MAN2A1: variants seen among roughly 807,000 people sequenced by gnomAD.
The protein encoded by MAN2A1 is mannosidase alpha class 2A member 1, also known as alpha-mannosidase 2.
In MAN2A1, 76 loss-of-function variants were observed where a neutral mutation model predicts 142.6. That is an observed-to-expected ratio of 0.53 (90% CI 0.44 to 0.65). MAN2A1 has a LOEUF of 0.65. Among genes scored for constraint, MAN2A1 ranks in the 30% least tolerant of loss-of-function variants. The pLI is 0.00. For missense variants in MAN2A1, 1,311 were observed against 1,365.1 expected, an observed-to-expected ratio of 0.96 and a Z score of 0.62; for synonymous variants, 559 against 473.2, an observed-to-expected ratio of 1.18 and a Z score of -2.35.
intron 5 of MAN2A1, among the ~76,000 whole-genome samples, chr5:109,760,350 A>G (rs1190780441): frequency 6.6e-6 from 1 of 152,156 alleles, no homozygotes. Context: ...TCCATGGTGT[A>G]TATGTGCCAT....
At chr5:109,794,900 G>T (rs1014665364) in intron 12 of MAN2A1, among the ~76,000 whole-genome samples, 1 of 151,974 alleles carries the variant, frequency 6.6e-6, no homozygotes, top group East Asian at 1.9e-4. Context: ...TCAAGGTATA[G>T]GTTGGCTAGT....
At position 109,820,243 on chromosome 5, in the gene MAN2A1, T is replaced by G; in HGVS notation, c.2352T>G (p.Gly784=). The change falls in exon 15 of 22, where the codon GGT becomes GGG. Residue 784 remains glycine, a synonymous_variant. Coordinates refer to ENST00000261483, the MANE Select transcript of MAN2A1 (RefSeq NM_002372.4). Reference sequence around the variant, plus strand: ...AGCAAATGATGACTAAAGAAGATGGTAAACACCATGAAGTAAATGTGCAAT... The same window carrying G: ...AGCAAATGATGACTAAAGAAGATGGGAAACACCATGAAGTAAATGTGCAAT... The part of the protein sequence containing the change: ...LMKQMMTKED[G]KHHEVNVQFS... The G allele has an allele frequency of 6.2e-7, 1 of 1,609,460 alleles. No individual in the cohort carries two copies. Among genetic ancestry groups the G allele is most frequent in the Non-Finnish European group, 8.5e-7 (1 of 1,176,826 alleles).
At chr5:109,814,380 T>C (rs543634306) in intron 12 of MAN2A1, among the ~76,000 whole-genome samples, 2 of 152,266 alleles carry the variant, frequency 1.3e-5, no homozygotes, top group East Asian at 3.9e-4. Context: ...GAAAATTAAG[T>C]TATTTATGAT....
chr5:109,858,193 A>G (rs1418432333), intron 20 of MAN2A1, among the ~76,000 whole-genome samples: 1 of 152,208 alleles, frequency 6.6e-6, no homozygotes, highest in Non-Finnish European at 1.5e-5. Flanking sequence ...AATACTTGGC[A>G]GTTTTGCATT....
chr5:109,745,346 G>C (rs1243245111), intron 4 of MAN2A1, among the ~76,000 whole-genome samples: 1 of 151,996 alleles, frequency 6.6e-6, no homozygotes, highest in African/African-American at 2.4e-5. Context: ...TGTCTCTCTT[G>C]ATATGGAAAG....
At chr5:109,843,539 C>A (rs3797676) in intron 17 of MAN2A1, among the ~76,000 whole-genome samples, 21,210 of 152,132 alleles carry the variant, frequency 0.14, 2,482 homozygotes, top group East Asian at 0.64. Flanking sequence ...AATGTATGAT[C>A]TAATAATGGG....
intron 17 of MAN2A1, among the ~76,000 whole-genome samples, chr5:109,843,579 CTA>C (rs1434434041): frequency 6.6e-6 from 1 of 152,120 alleles, no homozygotes; most frequent in Non-Finnish European, 1.5e-5. Flanking sequence ...AACTCTTCCT[CTA>C]TATGTGTGTG....
rs578176683 is a variant in MAN2A1, at chr5:109,695,265, A to G, written c.135+4713A>G. 1.1e-3 allele frequency among the ~76,000 whole-genome samples: 175 copies of G among 152,278 alleles called. 2 individuals are homozygous for G. Among genetic ancestry groups the G allele is most frequent in the African/African-American group, 3.8e-3 (160 of 41,562 alleles). ...TTGGGTGTGTTGTTCCCAGATGAAC[A>G]CTGTTATCAGGGCCTAAACAAATAT... On this transcript the variant is annotated intron_variant, in intron 1 of 21. Transcript: ENST00000261483.
In MAN2A1 at chr5:109,866,887, T is replaced by A. The variant is rs1331485578; in HGVS notation, c.3324T>A (p.Ser1108Arg). Residue 1108 changes from serine to arginine, a missense_variant, in exon 22 of 22, where the codon AGT (serine) becomes AGA (arginine). Around this residue, in one of 3 missense-constraint regions of MAN2A1, gnomAD observed 890 missense variants for 920.5 expected, o/e 0.97. Transcript: ENST00000261483. ...QKLLNKFIVESLTPSSLSLMH... is the reference protein window; with the variant it reads ...QKLLNKFIVERLTPSSLSLMH... ...TTTTAAACAAGTTTATTGTCGAAAGTCTCACACCTTCATCACTATCCTTGA... is the reference window on the plus strand; with the variant it reads ...TTTTAAACAAGTTTATTGTCGAAAGACTCACACCTTCATCACTATCCTTGA... 5 of 1,611,206 alleles carry A rather than the reference T, an allele frequency of 3.1e-6. No homozygotes were observed. The highest frequency in any genetic ancestry group is 4.2e-6 in the Non-Finnish European group (5 of 1,178,276).
At chr5:109,805,097 A>G (rs192456794) in intron 12 of MAN2A1, among the ~76,000 whole-genome samples, 203 of 152,294 alleles carry the variant, frequency 1.3e-3, no homozygotes, top group African/African-American at 4.7e-3. Flanking sequence ...TTGACAAGGA[A>G]ATAGAACATC....
intron 1 of MAN2A1, among the ~76,000 whole-genome samples, chr5:109,697,430 G>A (rs779363091): frequency 6.6e-6 from 1 of 152,168 alleles, no homozygotes; most frequent in African/African-American, 2.4e-5. Context: ...GGGAAAGAAT[G>A]AAGTTCTTGA....
chr5:109,832,161 C>CTTTTTTTTTTTTTTT (rs70999945), intron 16 of MAN2A1, among the ~76,000 whole-genome samples: 12 of 51,204 alleles, frequency 2.3e-4, no homozygotes, highest in Non-Finnish European at 4.5e-4. Context: ...AAGGAGTTTT[C>CTTTTTTTTTTTTTTT]TTTTTTTTTT....
chr5:109,833,842 C>T (rs1401210750), intron 16 of MAN2A1, among the ~76,000 whole-genome samples: 1 of 152,176 alleles, frequency 6.6e-6, no homozygotes, highest in African/African-American at 2.4e-5. Flanking sequence ...AGATCTACTG[C>T]CTGACAACCT....
chr5:109,821,878 A>G (rs941576097), intron 15 of MAN2A1, among the ~76,000 whole-genome samples: 1 of 151,866 alleles, frequency 6.6e-6, no homozygotes, highest in African/African-American at 2.4e-5. Flanking sequence ...TCTCATTTAT[A>G]GTGGTTTTAA....
In MAN2A1 at chr5:109,789,045, G is replaced by T. The variant is rs1213827217; in HGVS notation, c.1872G>T (p.Glu624Asp). ...YDSYSPDTFL[E>D]MDLKQKSQDS... is the part of the protein sequence containing the mutation. ...CTTACTCTCCTGATACCTTCCTGGAGATGGTTAGTAATTTCATCTATGGTC... is the reference window on the plus strand; with the variant it reads ...CTTACTCTCCTGATACCTTCCTGGATATGGTTAGTAATTTCATCTATGGTC... The change falls in exon 11 of 22, where the codon GAG (glutamate) becomes GAT (aspartate). Residue 624 changes from glutamate (E) to aspartate (D), a missense_variant. Transcript: ENST00000261483. The T allele has an allele frequency of 6.6e-7, 1 of 1,505,724 alleles. No individual in the cohort carries two copies. The highest frequency in any genetic ancestry group is 2.3e-5 in the East Asian group (1 of 43,748). 93.3% of individuals were successfully genotyped at this position (1,505,724 alleles called of 1,614,324 possible).
chr5:109,700,163 A>G (rs890507499), intron 1 of MAN2A1, among the ~76,000 whole-genome samples: 8 of 152,130 alleles, frequency 5.3e-5, no homozygotes, highest in Non-Finnish European at 8.8e-5. Context: ...GAGGAAATAG[A>G]AGTTATTGAT....
At chr5:109,746,029 C>T (rs1301498435) in intron 4 of MAN2A1, among the ~76,000 whole-genome samples, 2 of 152,164 alleles carry the variant, frequency 1.3e-5, no homozygotes, top group Non-Finnish European at 2.9e-5. Context: ...AGGCTGAGTG[C>T]AGTATTGCAG....
At chr5:109,762,012 A>G (rs920641143) in intron 5 of MAN2A1, among the ~76,000 whole-genome samples, 3 of 152,136 alleles carry the variant, frequency 2.0e-5, no homozygotes, top group South Asian at 2.1e-4. Context: ...AAAATAATAT[A>G]CTAGCAGAAA....
intron 3 of MAN2A1, among the ~76,000 whole-genome samples, chr5:109,719,508 A>C (rs1386928372): frequency 6.6e-6 from 1 of 152,312 alleles, no homozygotes; most frequent in East Asian, 1.9e-4. Context: ...ATGTGACACT[A>C]TAATGGGAAA....
Sources: allele counts gnomAD v4.1 joint callset (sites outside exome capture counted in the v4.1 genomes callset), GRCh38; gene constraint gnomAD v4.1.1; regional missense constraint gnomAD v4.1.1; transcripts MANE v1.5; gene names NCBI Gene and HGNC (gene_info 2026-07-23, HGNC 2026-07-21).